Variants in DAAM2 observed in about 807,000 individuals in gnomAD.
DAAM2 encodes the protein disheveled-associated activator of morphogenesis 2.
DAAM2 carries 39 observed loss-of-function variants against 120.7 expected under a neutral mutation model. That is an observed-to-expected ratio of 0.32 (90% CI 0.25 to 0.42). DAAM2 has a LOEUF of 0.42. Among genes scored for constraint, DAAM2 ranks in the 10% least tolerant of loss-of-function variants. The pLI is 1.00. For synonymous variants in DAAM2, 488 were observed against 524.9 expected (o/e 0.93, Z 0.96); for missense variants, 1,283 against 1,401.7 (o/e 0.92, Z 1.35).
At chr6:39,801,755 C>A (rs920171888) in intron 1 of DAAM2, among the ~76,000 whole-genome samples, 1 of 152,206 alleles carries the variant, frequency 6.6e-6, no homozygotes, top group Non-Finnish European at 1.5e-5. Flanking sequence ...AATGCTTGAT[C>A]CGCCAGACTC....
chr6:39,799,357 C>T (rs745333523), intron 1 of DAAM2, among the ~76,000 whole-genome samples: 4 of 152,136 alleles, frequency 2.6e-5, no homozygotes, highest in African/African-American at 4.8e-5. Flanking sequence ...GGATTTGGCT[C>T]TTTCGTTAGC....
At chr6:39,881,543 C>A (rs555437404) in intron 14 of DAAM2, among the ~76,000 whole-genome samples, 140 of 148,980 alleles carry the variant, frequency 9.4e-4, no homozygotes, top group Non-Finnish European at 1.7e-3. Flanking sequence ...ATGGTGAAAC[C>A]CCATCTTTAC....
At chr6:39,893,553 T>C (rs73732310) in intron 19 of DAAM2, among the ~76,000 whole-genome samples, 6,696 of 152,144 alleles carry the variant, frequency 0.044, 316 homozygotes, top group African/African-American at 0.11. Flanking sequence ...TCAGTGGATA[T>C]TCAGGAAAGA....
At chr6:39,871,674 G>A (rs1252600652) in intron 9 of DAAM2, 102 bp downstream of exon 9, 1 of 1,117,638 alleles carries the variant, frequency 8.9e-7, no homozygotes, top group Non-Finnish European at 1.3e-6. Flanking sequence ...GGCTGGTGTG[G>A]GCTGGTTCCC....
intron 1 of DAAM2, among the ~76,000 whole-genome samples, chr6:39,794,663 G>A (rs772105961): frequency 3.3e-5 from 5 of 152,100 alleles, no homozygotes; most frequent in Non-Finnish European, 7.3e-5. Context: ...CTTCTTTCCC[G>A]ACTGTCTCCA....
chr6:39,876,151 G>A (rs1276423446), intron 11 of DAAM2, among the ~76,000 whole-genome samples: 1 of 152,130 alleles, frequency 6.6e-6, no homozygotes, highest in African/African-American at 2.4e-5. Context: ...ATTGATCTTG[G>A]ATAGAGAAAC....
At position 39,843,399 on chromosome 6, in the gene DAAM2, C is replaced by T. The variant is rs568851825; in HGVS notation, c.-56-12848C>T. On this transcript the variant is annotated intron_variant, in intron 1 of 24. Coordinates refer to ENST00000274867, the MANE Select transcript of DAAM2 (RefSeq NM_001201427.2). ...GATCAACGCCGCTTGAACAGGAAGC[C>T]ACCCCAGATTAAAGTAACTTGTCTC... Among the ~76,000 whole-genome samples the T allele has an allele frequency of 6.2e-4, 95 of 152,242 alleles. No individual in the cohort carries two copies. In the South Asian group the frequency reaches 0.019, roughly 31 times the overall value.
chr6:39,820,220 G>A (rs572598452), intron 1 of DAAM2: 2 of 152,112 alleles, frequency 1.3e-5, no homozygotes, highest in Non-Finnish European at 2.9e-5. Context: ...GGGACCATGT[G>A]GGGGAAGCTG....
rs373138993 is a variant in DAAM2, at chr6:39,891,613, T to C, written c.2253-21T>C. The C allele has an allele frequency of 4.1e-5, 66 of 1,604,824 alleles. No individual in the cohort carries two copies. The African/African-American group carries it at 8.7e-4, about 21-fold the overall frequency. On this transcript the variant is annotated intron_variant, in intron 18 of 24. Transcript: ENST00000274867. ...AGGATAGGGGTGGGATACCTCAAGATATGGTTCACCTTGTCTACAGGATTG... is the reference window on the plus strand; with the variant it reads ...AGGATAGGGGTGGGATACCTCAAGACATGGTTCACCTTGTCTACAGGATTG...
chr6:39,828,891 C>T (rs9471177), intron 1 of DAAM2, among the ~76,000 whole-genome samples: 22,684 of 152,032 alleles, frequency 0.15, 2,130 homozygotes, highest in South Asian at 0.3. Flanking sequence ...CCAAAAGGCC[C>T]CACCCTTAGT....
intron 21 of DAAM2, among the ~76,000 whole-genome samples, 165 bp from the exon 22 acceptor site, chr6:39,898,712 A>T (rs571682341): frequency 6.6e-6 from 1 of 152,258 alleles, no homozygotes; most frequent in East Asian, 1.9e-4. Context: ...CATGAAGGGG[A>T]GGTGCTTTGT....
intron 19 of DAAM2, among the ~76,000 whole-genome samples, chr6:39,893,259 A>G (rs554980738): frequency 3.5e-4 from 54 of 152,318 alleles, no homozygotes; most frequent in South Asian, 8.3e-4. Flanking sequence ...GCTGATGCCT[A>G]TAATCCCAGC....
chr6:39,831,795 T>TA, intron 1 of DAAM2, among the ~76,000 whole-genome samples: 1 of 13,022 alleles, frequency 7.7e-5, no homozygotes, highest in Non-Finnish European at 1.3e-4. Context: ...GCAGGTGCAC[T>TA]GGGGGGGGGC....
Position 39,872,816 on chromosome 6 carries a change from G to T in DAAM2, c.1045-422G>T, listed in dbSNP as rs75173899. Among the ~76,000 whole-genome samples, 688 of 108,064 alleles carry T rather than the reference G, an allele frequency of 6.4e-3. 3 individuals are homozygous for T. Among genetic ancestry groups the T allele is most frequent in the African/African-American group, 0.025 (662 of 26,100 alleles). 70.9% of individuals were successfully genotyped at this position (108,064 alleles called of 152,430 possible). Reference sequence around the variant, plus strand: ...CCACCTGCTACTTTGAATCCTCTATGCCCCTGCTCCCTTCCCTAGTTTGGA... The same window carrying T: ...CCACCTGCTACTTTGAATCCTCTATTCCCCTGCTCCCTTCCCTAGTTTGGA... On this transcript the variant is annotated intron_variant, in intron 9 of 24. Transcript: ENST00000274867.
Position 39,904,596 on chromosome 6 carries a change from C to T in DAAM2, c.*2559C>T, listed in dbSNP as rs957631352. Reference sequence around the variant, plus strand: ...TGTGATGGAAATAAAGTGTTTAGGGCAGTGGGAGGAGAAAATTCTCCAGGT... The same window carrying T: ...TGTGATGGAAATAAAGTGTTTAGGGTAGTGGGAGGAGAAAATTCTCCAGGT... On this transcript the variant is annotated 3_prime_UTR_variant, in exon 25 of 25. Transcript: ENST00000274867. The T allele has an allele frequency of 2.2e-6, 1 of 454,250 alleles. No individual in the cohort carries two copies. The highest frequency in any genetic ancestry group is 4.4e-6 in the Non-Finnish European group (1 of 226,938). 28.1% of individuals were successfully genotyped at this position (454,250 alleles called of 1,614,324 possible). A position where few individuals can be genotyped will look rare whatever the true frequency, so the allele number is the denominator to read the frequency against.
At chr6:39,798,871 AC>A (rs35202369) in intron 1 of DAAM2, among the ~76,000 whole-genome samples, 48,727 of 151,906 alleles carry the variant, frequency 0.32, 8,314 homozygotes, top group South Asian at 0.42. Context: ...CTCTGTCATC[AC>A]ATTGAACACA....
At chr6:39,807,623 T>G (rs1360709568) in intron 1 of DAAM2, among the ~76,000 whole-genome samples, 1 of 152,108 alleles carries the variant, frequency 6.6e-6, no homozygotes. Flanking sequence ...TTCAAGTGAT[T>G]CTCCCACCTC....
chr6:39,794,578 A>G (rs1305483952), intron 1 of DAAM2, among the ~76,000 whole-genome samples: 1 of 152,172 alleles, frequency 6.6e-6, no homozygotes, highest in Non-Finnish European at 1.5e-5. Flanking sequence ...AGGCCTGTAA[A>G]TGATTTTGTT....
intron 23 of DAAM2, among the ~76,000 whole-genome samples, chr6:39,900,786 G>A (rs538668940): frequency 6.6e-6 from 1 of 152,276 alleles, no homozygotes; most frequent in African/African-American, 2.4e-5. Context: ...TACTGAGTGA[G>A]TTGAATTAAC....
Sources: allele counts gnomAD v4.1 joint callset (sites outside exome capture counted in the v4.1 genomes callset), GRCh38; gene constraint gnomAD v4.1.1; transcripts MANE v1.5; gene names NCBI Gene and HGNC (gene_info 2026-07-23, HGNC 2026-07-21).